SNTG1: variants seen among roughly 807,000 people sequenced by gnomAD.
The protein encoded by SNTG1 is syntrophin gamma 1.
A neutral mutation model predicts 74.7 loss-of-function variants in SNTG1; 39 were observed. The observed-to-expected ratio is 0.52, with a 90% confidence interval of 0.40 to 0.68. The LOEUF is 0.68. Ranked by LOEUF, SNTG1 falls within the 30% of genes least tolerant of loss-of-function variation. The pLI, the probability that SNTG1 is intolerant of heterozygous loss-of-function variation, is 0.00. For missense variants in SNTG1, 685 were observed against 609.5 expected, an observed-to-expected ratio of 1.12 and a Z score of -1.30; for synonymous variants, 254 against 217.1, an observed-to-expected ratio of 1.17 and a Z score of -1.49.
chr8:50,290,493 G>T (rs1004639857), intron 2 of SNTG1, among the ~76,000 whole-genome samples: 1 of 152,070 alleles, frequency 6.6e-6, no homozygotes, highest in Non-Finnish European at 1.5e-5. Context: ...TAGGTTCCTG[G>T]GGTTTAAGGA....
intron 8 of SNTG1, among the ~76,000 whole-genome samples, chr8:50,501,339 G>C (rs962598513): frequency 1.3e-5 from 2 of 149,828 alleles, no homozygotes; most frequent in African/African-American, 4.9e-5. Flanking sequence ...CTGTCTTTCA[G>C]AGTTCTTATT....
At chr8:50,783,879 A>G (rs908405568) in intron 18 of SNTG1, among the ~76,000 whole-genome samples, 2 of 152,234 alleles carry the variant, frequency 1.3e-5, no homozygotes, top group African/African-American at 2.4e-5. Context: ...GGTTCTTGGT[A>G]TGATGAGTGA....
chr8:50,505,772 T>C (rs1218360562), intron 9 of SNTG1, among the ~76,000 whole-genome samples: 1 of 152,158 alleles, frequency 6.6e-6, no homozygotes, highest in Non-Finnish European at 1.5e-5. Context: ...ACCAGACATA[T>C]GGTTTGAAAA....
In SNTG1 at chr8:50,279,852, CA is replaced by C. The variant is rs1490048450; in HGVS notation, c.-28+107220del. ...CCAGGAAAAGTACAGTGAAAAAGAA[CA>C]AAGTCTGTTATGTGGACTTCAATCA... On this transcript the variant is annotated intron_variant, in intron 2 of 18. Transcript: ENST00000642720. Among the ~76,000 whole-genome samples the C allele has an allele frequency of 2.0e-5, 3 of 152,196 alleles. No individual in the cohort carries two copies. The East Asian group carries it at 5.8e-4, about 29-fold the overall frequency.
At chr8:50,672,083 T>C (rs1163581195) in intron 15 of SNTG1, among the ~76,000 whole-genome samples, 1 of 148,348 alleles carries the variant, frequency 6.7e-6, no homozygotes, top group Admixed American at 6.7e-5. Flanking sequence ...TTAGGAGATA[T>C]ATCTAATGCT....
intron 2 of SNTG1, among the ~76,000 whole-genome samples, chr8:50,199,136 A>G (rs541223788): frequency 1.3e-4 from 20 of 151,698 alleles, no homozygotes; most frequent in Non-Finnish European, 2.5e-4. Context: ...TTTTCTTTGC[A>G]GTGTTTTTTT....
At chr8:50,247,151 A>C (rs570925455) in intron 2 of SNTG1, among the ~76,000 whole-genome samples, 1 of 152,274 alleles carries the variant, frequency 6.6e-6, no homozygotes, top group Admixed American at 6.5e-5. Context: ...AACGAACAAG[A>C]TGAATATTTT....
At chr8:50,192,248 T>A (rs1220358993) in intron 2 of SNTG1, among the ~76,000 whole-genome samples, 1 of 152,166 alleles carries the variant, frequency 6.6e-6, no homozygotes, top group African/African-American at 2.4e-5. Flanking sequence ...CAGATTCCAC[T>A]GGCCTGGGAT....
At chr8:50,351,883 A>T (rs1563930818) in intron 2 of SNTG1, among the ~76,000 whole-genome samples, 4 of 152,204 alleles carry the variant, frequency 2.6e-5, no homozygotes, top group Non-Finnish European at 5.9e-5. Context: ...ATTTCTGCTG[A>T]ATTGGGAAAA....
intron 2 of SNTG1, among the ~76,000 whole-genome samples, chr8:50,243,372 G>C (rs1325921889): frequency 6.6e-6 from 1 of 152,094 alleles, no homozygotes; most frequent in African/African-American, 2.4e-5. Flanking sequence ...CAATTATGGA[G>C]TAACTTTTCC....
chr8:49,979,509 C>T (rs1302311390), intron 1 of SNTG1, among the ~76,000 whole-genome samples: 2 of 152,180 alleles, frequency 1.3e-5, no homozygotes, highest in East Asian at 3.9e-4. Flanking sequence ...CTTTGCACTT[C>T]CCCCCGATCC....
intron 15 of SNTG1, among the ~76,000 whole-genome samples, chr8:50,666,110 A>G (rs1341720349): frequency 6.6e-6 from 1 of 152,154 alleles, no homozygotes; most frequent in Non-Finnish European, 1.5e-5. Flanking sequence ...GGAAACATCT[A>G]TCTAATGTAA....
At chr8:50,367,659 C>T (rs918812154) in intron 2 of SNTG1, among the ~76,000 whole-genome samples, 27 of 152,064 alleles carry the variant, frequency 1.8e-4, no homozygotes, top group African/African-American at 4.8e-4. Flanking sequence ...TAAACTCATT[C>T]AATCATGAAA....
Position 49,938,606 on chromosome 8 carries a change from T to TC in SNTG1, c.-103+26376dup, listed in dbSNP as rs35471227. 2.4e-3 allele frequency among the ~76,000 whole-genome samples: 241 copies of TC among 101,840 alleles called. 9 individuals carry two copies. Among genetic ancestry groups the TC allele is most frequent in the African/African-American group, 0.01 (232 of 22,636 alleles). The allele number at this position is 101,840 out of a possible 152,430, so 66.8% of individuals were successfully genotyped here. ...TCTTTTCTTTTCTTTTCTTTTCTTTTCTTTCTTTCTTTCTTTCTTTCTTTC... is the reference window on the plus strand; with the variant it reads ...TCTTTTCTTTTCTTTTCTTTTCTTTTCCTTTCTTTCTTTCTTTCTTTCTTTC... On this transcript the variant is annotated intron_variant, in intron 1 of 18. Transcript: ENST00000642720.
At chr8:50,198,997 A>C (rs2083882116) in intron 2 of SNTG1, among the ~76,000 whole-genome samples, 1 of 152,180 alleles carries the variant, frequency 6.6e-6, no homozygotes, top group Non-Finnish European at 1.5e-5. Context: ...ATTAGTACTG[A>C]ATATGGTTAG....
chr8:50,600,205 A>C (rs2094762332), intron 13 of SNTG1, among the ~76,000 whole-genome samples: 1 of 151,782 alleles, frequency 6.6e-6, no homozygotes, highest in East Asian at 1.9e-4. Flanking sequence ...CGTTGACAGT[A>C]TTTTGTTGAG....
At chr8:50,595,805 T>C (rs2094723393) in intron 13 of SNTG1, among the ~76,000 whole-genome samples, 1 of 152,058 alleles carries the variant, frequency 6.6e-6, no homozygotes, top group Non-Finnish European at 1.5e-5. Context: ...CATCAATCCA[T>C]CATTCTTTCT....
At chr8:50,365,656 T>C (rs965391365) in intron 2 of SNTG1, among the ~76,000 whole-genome samples, 1 of 152,116 alleles carries the variant, frequency 6.6e-6, no homozygotes, top group African/African-American at 2.4e-5. Context: ...ATACAGCAAA[T>C]TGAAATTCAG....
intron 17 of SNTG1, among the ~76,000 whole-genome samples, chr8:50,725,057 A>G (rs577170798): frequency 6.6e-6 from 1 of 152,202 alleles, no homozygotes; most frequent in Non-Finnish European, 1.5e-5. Context: ...AGAAAACTTC[A>G]TATTCAAAAT....
Sources: allele counts gnomAD v4.1 joint callset (sites outside exome capture counted in the v4.1 genomes callset), GRCh38; gene constraint gnomAD v4.1.1; transcripts MANE v1.5; gene names NCBI Gene and HGNC (gene_info 2026-07-23, HGNC 2026-07-21).